HOPX: variants seen among roughly 807,000 people sequenced by gnomAD.
HOPX encodes HOP homeobox.
HOPX carries 5 observed loss-of-function variants against 11.8 expected under a neutral mutation model. The observed-to-expected ratio is 0.43, with a 90% CI of 0.22 to 0.89. The LOEUF is 0.89. Ranked by LOEUF, HOPX falls within the 40% of genes least tolerant of loss-of-function variation. HOPX has a pLI of 0.28. For missense variants in HOPX, 119 were observed against 120.0 expected, an observed-to-expected ratio of 0.99 and a Z score of 0.04; for synonymous variants, 49 against 49.7, an observed-to-expected ratio of 0.99 and a Z score of 0.06.
intron 1 of HOPX, among the ~76,000 whole-genome samples, chr4:56,673,490 G>A (rs985243729): frequency 3.3e-5 from 5 of 152,092 alleles, no homozygotes; most frequent in Admixed American, 3.3e-4. Context: ...TATATTTTTT[G>A]TATAATGAGG....
chr4:56,679,345 A>G (rs916769667), intron 1 of HOPX: 1 of 152,230 alleles, frequency 6.6e-6, no homozygotes, highest in Non-Finnish European at 1.5e-5. Context: ...ATCTTCCCAT[A>G]TAAGAAATGG....
At chr4:56,674,860 G>A (rs563599593) in intron 1 of HOPX, among the ~76,000 whole-genome samples, 7 of 147,796 alleles carry the variant, frequency 4.7e-5, no homozygotes, top group East Asian at 3.9e-4. Flanking sequence ...CAACCTTCCC[G>A]CCTCAGTCTC....
chr4:56,667,252 G>A (rs1718486767), intron 1 of HOPX, among the ~76,000 whole-genome samples: 1 of 152,070 alleles, frequency 6.6e-6, no homozygotes, highest in South Asian at 2.1e-4. Flanking sequence ...AGAAAACACT[G>A]ATATTTTCCC....
chr4:56,675,613 C>G (rs927679017), intron 1 of HOPX, among the ~76,000 whole-genome samples: 1 of 151,654 alleles, frequency 6.6e-6, no homozygotes, highest in East Asian at 1.9e-4. Flanking sequence ...ACTTTCCCAG[C>G]AAATAAAAAG....
rs1716879988 is a variant in HOPX, at chr4:56,648,698, G to A, written c.*22C>T. 3 of 1,553,200 alleles carry A rather than the reference G, an allele frequency of 1.9e-6. No individual in the cohort carries two copies. Among genetic ancestry groups the A allele is most frequent in the Non-Finnish European group, 2.7e-6 (3 of 1,130,544 alleles). On this transcript the variant is annotated 3_prime_UTR_variant, in exon 4 of 4. Coordinates refer to ENST00000420433, the MANE Select transcript of HOPX (RefSeq NM_032495.6). The stretch of plus-strand genomic sequence containing the variant: ...ACAGAGATGGCCTTCATGGAGTGAA[G>A]CTGTCAATGCCTGCCATCTCCTTAG...
At chr4:56,676,809 A>G (rs1410407750) in intron 1 of HOPX, among the ~76,000 whole-genome samples, 1 of 151,664 alleles carries the variant, frequency 6.6e-6, no homozygotes, top group African/African-American at 2.4e-5. Flanking sequence ...GCCTCCCCAG[A>G]AGGGATGTTA....
At chr4:56,656,535 G>C in intron 2 of HOPX, 1 of 940,296 alleles carries the variant, frequency 1.1e-6, no homozygotes, top group Non-Finnish European at 1.3e-6. Flanking sequence ...CAGTGGGTTG[G>C]CGCTTTGGGG....
chr4:56,681,160 A>G (rs1489515111), intron 1 of HOPX, 95 bp downstream of exon 1: 7 of 964,682 alleles, frequency 7.3e-6, no homozygotes, highest in Non-Finnish European at 8.6e-6. Flanking sequence ...CCGTTTTCCA[A>G]CAGATGAGCA....
At chr4:56,655,481 G>C (rs1469469741) in intron 3 of HOPX, among the ~76,000 whole-genome samples, 1 of 152,230 alleles carries the variant, frequency 6.6e-6, no homozygotes, top group Non-Finnish European at 1.5e-5. Context: ...CAGACCAGAG[G>C]GGACCGAGCC....
intron 1 of HOPX, chr4:56,672,687 T>A (rs1056440912): frequency 1.3e-5 from 2 of 152,032 alleles, no homozygotes; most frequent in Non-Finnish European, 2.9e-5. Context: ...TAGAGACAAG[T>A]TTTTGCCATG....
intron 1 of HOPX, among the ~76,000 whole-genome samples, chr4:56,666,911 T>C (rs1036304363): frequency 6.6e-6 from 1 of 152,142 alleles, no homozygotes; most frequent in Admixed American, 6.5e-5. Context: ...ATATCTGTAA[T>C]GGAAAAAAGT....
At chr4:56,666,246 T>C (rs567979689) in intron 1 of HOPX, among the ~76,000 whole-genome samples, 1 of 152,322 alleles carries the variant, frequency 6.6e-6, no homozygotes, top group South Asian at 2.1e-4. Flanking sequence ...TAATATAGAA[T>C]ACAAACAAGA....
intron 3 of HOPX, among the ~76,000 whole-genome samples, chr4:56,651,568 G>A (rs1227140674): frequency 1.3e-5 from 2 of 152,144 alleles, no homozygotes; most frequent in Non-Finnish European, 2.9e-5. Context: ...GCCCATTGAT[G>A]GAGATTTATT....
chr4:56,656,260 C>T, intron 2 of HOPX: 1 of 1,169,196 alleles, frequency 8.6e-7, no homozygotes, highest in African/African-American at 1.6e-5. Context: ...CCTGCGCCTC[C>T]CGCGCCCCCC....
At chr4:56,675,751 A>G (rs1040395086) in intron 1 of HOPX, among the ~76,000 whole-genome samples, 2 of 151,732 alleles carry the variant, frequency 1.3e-5, no homozygotes, top group Non-Finnish European at 2.9e-5. Context: ...ACCAGGAGAC[A>G]TGAGCCTTCC....
chr4:56,678,109 C>T (rs987173451), intron 1 of HOPX, among the ~76,000 whole-genome samples: 8 of 151,560 alleles, frequency 5.3e-5, no homozygotes, highest in Admixed American at 3.9e-4. Context: ...TCCAAGGATT[C>T]GCTTGGAAGG....
chr4:56,662,365 A>G (rs1430613250), intron 1 of HOPX: 2 of 152,226 alleles, frequency 1.3e-5, no homozygotes, highest in African/African-American at 2.4e-5. Flanking sequence ...CATCAGAGGA[A>G]GACTCAGAAT....
intron 1 of HOPX, among the ~76,000 whole-genome samples, chr4:56,670,326 T>C (rs62309874): frequency 6.6e-6 from 1 of 152,104 alleles, no homozygotes; most frequent in African/African-American, 2.4e-5. Context: ...AATGTCCTAA[T>C]ACACCAAGAA....
intron 1 of HOPX, among the ~76,000 whole-genome samples, chr4:56,674,234 T>C (rs1718887545): frequency 1.3e-5 from 2 of 151,714 alleles, no homozygotes; most frequent in Non-Finnish European, 2.9e-5. Context: ...AAGTGATAGA[T>C]ACTTCCAACA....
Sources: allele counts gnomAD v4.1 joint callset (sites outside exome capture counted in the v4.1 genomes callset), GRCh38; gene constraint gnomAD v4.1.1; transcripts MANE v1.5; gene names NCBI Gene and HGNC (gene_info 2026-07-23, HGNC 2026-07-21).